ANKRD44: variants seen among roughly 807,000 people sequenced by gnomAD.
ANKRD44 encodes the protein ankyrin repeat domain 44.
In ANKRD44, 35 loss-of-function variants were observed where a neutral mutation model predicts 116.0. That is an observed-to-expected ratio of 0.30 (90% CI 0.23 to 0.40). ANKRD44 has a LOEUF of 0.40. Among genes scored for constraint, ANKRD44 ranks in the 10% least tolerant of loss-of-function variants. The pLI is 1.00. For missense variants in ANKRD44, 1,014 were observed against 1,242.6 expected (o/e 0.82, Z 2.77); for synonymous variants, 435 against 461.8 (o/e 0.94, Z 0.74).
At chr2:197,231,558 C>G (rs2081864193) in intron 1 of ANKRD44, among the ~76,000 whole-genome samples, 1 of 152,078 alleles carries the variant, frequency 6.6e-6, no homozygotes, top group Admixed American at 6.5e-5. Context: ...TGCTTCTCGA[C>G]AGGGCAGTTT....
chr2:197,094,424 A>C (rs370154306), intron 10 of ANKRD44, among the ~76,000 whole-genome samples: 1 of 152,230 alleles, frequency 6.6e-6, no homozygotes, highest in African/African-American at 2.4e-5. Context: ...TTTACCATAC[A>C]TGTTAGTATG....
chr2:197,047,910 A>C (rs560322731), intron 16 of ANKRD44, among the ~76,000 whole-genome samples: 1 of 150,388 alleles, frequency 6.6e-6, no homozygotes, highest in Non-Finnish European at 1.5e-5. Context: ...ACTCCGCAAA[A>C]AGAAAAAAAA....
intron 2 of ANKRD44, among the ~76,000 whole-genome samples, chr2:197,176,365 C>T (rs1206674373): frequency 6.6e-6 from 1 of 152,160 alleles, no homozygotes; most frequent in Non-Finnish European, 1.5e-5. Flanking sequence ...TACATCATCT[C>T]ATCTCCCTAA....
chr2:197,023,302 C>G (rs140952317), intron 17 of ANKRD44, among the ~76,000 whole-genome samples: 57 of 152,212 alleles, frequency 3.7e-4, no homozygotes, highest in African/African-American at 1.2e-3. Context: ...ATAAACAATT[C>G]AATAAATTAA....
intron 10 of ANKRD44, among the ~76,000 whole-genome samples, chr2:197,092,379 T>A (rs764545251): frequency 6.6e-6 from 1 of 152,236 alleles, no homozygotes; most frequent in Non-Finnish European, 1.5e-5. Context: ...TTTGGGTACA[T>A]ACATTTTATT....
chr2:197,156,069 G>A (rs947243800), intron 2 of ANKRD44, among the ~76,000 whole-genome samples: 6 of 152,134 alleles, frequency 3.9e-5, no homozygotes, highest in South Asian at 2.1e-4. Flanking sequence ...TCACCGGGCC[G>A]GGCGTGGTGG....
At chr2:197,213,067 A>T (rs927657416) in intron 1 of ANKRD44, among the ~76,000 whole-genome samples, 1 of 152,232 alleles carries the variant, frequency 6.6e-6, no homozygotes, top group Non-Finnish European at 1.5e-5. Context: ...GGCCTCCACA[A>T]GGGATAGTAT....
At chr2:196,979,213 G>A (rs2075781545) in intron 21 of ANKRD44, among the ~76,000 whole-genome samples, 1 of 151,720 alleles carries the variant, frequency 6.6e-6, no homozygotes, top group Admixed American at 6.6e-5. Flanking sequence ...TGGCTAACAC[G>A]GTGAAACCCC....
At chr2:197,073,625 T>C (rs2077605128) in intron 16 of ANKRD44, among the ~76,000 whole-genome samples, 1 of 152,174 alleles carries the variant, frequency 6.6e-6, no homozygotes, top group African/African-American at 2.4e-5. Flanking sequence ...ACAAATAAGA[T>C]ATCTAAGCAA....
rs780332185 is a variant in ANKRD44, at chr2:196,998,893, C to T, written c.2665+14G>A. On this transcript the variant is annotated intron_variant, in intron 24 of 27. Transcript: ENST00000282272. ...CATGGGCATAAGGGCAAAGTCCATA[C>T]AACAAGCACATACCCACAGCGCCTG... The T allele has an allele frequency of 1.2e-6, 2 of 1,612,780 alleles. No individual in the cohort carries two copies. Among genetic ancestry groups the T allele is most frequent in the Non-Finnish European group, 1.7e-6 (2 of 1,179,474 alleles).
chr2:197,163,160 A>G (rs2080012484), intron 2 of ANKRD44, among the ~76,000 whole-genome samples: 1 of 152,210 alleles, frequency 6.6e-6, no homozygotes, highest in African/African-American at 2.4e-5. Context: ...CTTCCTATCA[A>G]TTCTGTTGTT....
downstream of ANKRD44, among the ~76,000 whole-genome samples, chr2:196,982,948 G>C (rs2075812173): frequency 6.6e-6 from 1 of 152,116 alleles, no homozygotes; most frequent in Non-Finnish European, 1.5e-5. Context: ...AACACCACAT[G>C]TTCTCACTCA....
chr2:197,013,415 TA>T, intron 18 of ANKRD44, 95 bp downstream of exon 18: 1 of 1,369,070 alleles, frequency 7.3e-7, no homozygotes. Context: ...AATTGATATT[TA>T]AAAAACTGGG....
At chr2:197,029,587 C>G (rs775496753) in intron 16 of ANKRD44, 16 of 447,086 alleles carry the variant, frequency 3.6e-5, no homozygotes, top group Non-Finnish European at 6.6e-5. Context: ...TCAAACTGTT[C>G]AGTTTTCTTA....
At chr2:197,161,042 A>G (rs1291441656) in intron 2 of ANKRD44, among the ~76,000 whole-genome samples, 1 of 152,126 alleles carries the variant, frequency 6.6e-6, no homozygotes, top group African/African-American at 2.4e-5. Context: ...AAAAAAAAGG[A>G]AGTATTCTTC....
chr2:197,175,456 A>G (rs911721652), intron 2 of ANKRD44, among the ~76,000 whole-genome samples: 1 of 152,192 alleles, frequency 6.6e-6, no homozygotes, highest in Non-Finnish European at 1.5e-5. Context: ...CAAGGTATAA[A>G]TCAACATGAA....
At chr2:197,077,309 G>A (rs62279196) in intron 16 of ANKRD44, among the ~76,000 whole-genome samples, 19,182 of 151,998 alleles carry the variant, frequency 0.13, 1,425 homozygotes, top group Non-Finnish European at 0.17. Context: ...GTTTTCTTTT[G>A]AAATTCACTT....
chr2:197,094,889 A>G (rs1346753184), intron 10 of ANKRD44, among the ~76,000 whole-genome samples: 2 of 152,208 alleles, frequency 1.3e-5, no homozygotes, highest in East Asian at 1.9e-4. Flanking sequence ...TAAACACGCT[A>G]AAGTGGTTCA....
At chr2:196,997,718 G>A (rs966480184) in intron 25 of ANKRD44, among the ~76,000 whole-genome samples, 2 of 151,750 alleles carry the variant, frequency 1.3e-5, no homozygotes, top group African/African-American at 4.8e-5. Context: ...CAAAGTGTTG[G>A]GATTATAGGT....
Sources: gnomAD v4.1 joint callset for allele counts (sites outside exome capture counted in the v4.1 genomes callset) on GRCh38, gnomAD v4.1.1 for gene constraint, MANE v1.5 for transcripts, NCBI Gene and HGNC (gene_info 2026-07-23, HGNC 2026-07-21) for gene names.